ACACA: variants seen among roughly 807,000 people sequenced by gnomAD.
ACACA encodes acetyl-CoA carboxylase alpha, also known as acetyl-CoA carboxylase 1.
In ACACA, 103 loss-of-function variants were observed where a neutral mutation model predicts 296.1. The observed-to-expected ratio is 0.35, with a 90% CI of 0.30 to 0.41. ACACA has a LOEUF of 0.41. ACACA is among the 10% of genes least tolerant of loss of function. The pLI, the probability that ACACA is intolerant of heterozygous loss-of-function variation, is 1.00. For synonymous variants in ACACA, 953 were observed against 1,038.6 expected (o/e 0.92, Z 1.58); for missense variants, 1,554 against 2,989.7 (o/e 0.52, Z 11.20).
chr17:37,359,407 G>GGCGGGCGGGCC (rs72140314), intron 1 of ACACA, among the ~76,000 whole-genome samples: 2,083 of 151,620 alleles, frequency 0.014, 22 homozygotes, highest in South Asian at 0.028. Context: ...GCGGCTAGAG[G>GGCGGGCGGGCC]GCGGGCGGGC....
chr17:37,353,369 G>A (rs542136505), intron 1 of ACACA, among the ~76,000 whole-genome samples: 1 of 152,146 alleles, frequency 6.6e-6, no homozygotes, highest in South Asian at 2.1e-4. Context: ...GGCTGGGCAC[G>A]GTGGCTCACA....
Position 37,140,357 on chromosome 17 carries a change from T to G in ACACA, c.5679+9507A>C, listed in dbSNP as rs569516936. Among the ~76,000 whole-genome samples the G allele has an allele frequency of 6.0e-4, 91 of 152,318 alleles. 1 individual carries two copies. The South Asian group carries it at 0.018, about 31-fold the overall frequency. On this transcript the variant is annotated intron_variant, in intron 45 of 55. Coordinates refer to ENST00000616317, the MANE Select transcript of ACACA (RefSeq NM_198834.3). The stretch of plus-strand genomic sequence containing the variant: ...CTCACGAGTATGTAATAATTTTATA[T>G]ATCACTAATATGTAATTTTATATAT...
intron 1 of ACACA, chr17:37,365,595 A>G: frequency 1.0e-6 from 1 of 985,406 alleles, no homozygotes; most frequent in Non-Finnish European, 1.2e-6. Context: ...TCCAGTTGTG[A>G]TATAAAAGAA....
chr17:37,122,730 C>G, intron 48 of ACACA, 103 bp from the exon 49 acceptor site: 9 of 934,200 alleles, frequency 9.6e-6, no homozygotes, highest in Non-Finnish European at 1.6e-5. Context: ...AAACTAGAAA[C>G]AAACACAGAG....
At chr17:37,388,840 C>A in intron 1 of ACACA, 1 of 1,604,064 alleles carries the variant, frequency 6.2e-7, no homozygotes, top group Non-Finnish European at 8.5e-7. Context: ...CCCATAAAGA[C>A]TTTCTTCTGT....
At chr17:37,274,146 A>G (rs1335848701) in intron 9 of ACACA, 47 bp downstream of exon 9, 1 of 1,504,508 alleles carries the variant, frequency 6.6e-7, no homozygotes, top group Non-Finnish European at 9.3e-7. Context: ...ATTTGTGACT[A>G]TAACTGGTCA....
rs1326106195 is a variant in ACACA at position 37,240,528 on chromosome 17, C to T, written c.3069G>A (p.Val1023=). ...RSGIRGHMKA[V]VMDLLRQYLR... ...GGTACTGCCGGAGCAGATCCATCAC[C>T]ACAGCCTTCATGTGGCCTCGGATGC... Residue 1023 remains valine, a synonymous_variant, in exon 24 of 56, where the codon GTG becomes GTA. Transcript: ENST00000616317. 6.2e-7 allele frequency: 1 copy of T among 1,613,604 alleles called. No individual in the cohort carries two copies. Among genetic ancestry groups the T allele is most frequent in the Non-Finnish European group, 8.5e-7 (1 of 1,180,008 alleles).
chr17:37,349,072 A>T (rs1014862767), intron 1 of ACACA, among the ~76,000 whole-genome samples: 8 of 150,572 alleles, frequency 5.3e-5, no homozygotes, highest in South Asian at 2.1e-4. Flanking sequence ...TATTATTATT[A>T]TTTTTTGAGA....
At chr17:37,090,617 G>A (rs2072552582) in intron 54 of ACACA, among the ~76,000 whole-genome samples, 1 of 152,122 alleles carries the variant, frequency 6.6e-6, no homozygotes, top group South Asian at 2.1e-4. Context: ...TTGAGAAAGT[G>A]TTTTGCGCCT....
intron 33 of ACACA, 76 bp from the exon 34 acceptor site, chr17:37,200,559 G>T: frequency 7.3e-7 from 1 of 1,373,956 alleles, no homozygotes; most frequent in Non-Finnish European, 1.0e-6. Context: ...TTCGGCCCTT[G>T]TAAGGCTTTG....
chr17:37,136,322 A>T (rs1371632284), intron 45 of ACACA, among the ~76,000 whole-genome samples: 2 of 152,152 alleles, frequency 1.3e-5, no homozygotes, highest in African/African-American at 4.8e-5. Context: ...TAGCCTTTTG[A>T]ATCTAGCTTC....
intron 1 of ACACA, among the ~76,000 whole-genome samples, chr17:37,357,629 T>C (rs2049203777): frequency 6.6e-6 from 1 of 152,194 alleles, no homozygotes; most frequent in Admixed American, 6.5e-5. Flanking sequence ...TTCACATCAG[T>C]CCTCCTGTTA....
intron 45 of ACACA, among the ~76,000 whole-genome samples, chr17:37,137,211 T>C (rs2075370576): frequency 6.6e-6 from 1 of 151,494 alleles, no homozygotes; most frequent in Admixed American, 6.6e-5. Flanking sequence ...TGGAAAACTT[T>C]TAAAAAAATC....
chr17:37,123,758 G>C (rs2074636719), intron 48 of ACACA, among the ~76,000 whole-genome samples: 1 of 152,072 alleles, frequency 6.6e-6, no homozygotes, highest in Non-Finnish European at 1.5e-5. Flanking sequence ...TACACAGGAG[G>C]GTTTAGAAAT....
rs752951012 is a variant in ACACA at position 37,111,456 on chromosome 17, C to T, written c.6565+75G>A. ...TGATCAAATGCTTCAGTGCCTCCTCCCCTGGCCTATGAATGCACTCATTAC... is the reference window on the plus strand; with the variant it reads ...TGATCAAATGCTTCAGTGCCTCCTCTCCTGGCCTATGAATGCACTCATTAC... On this transcript the variant is annotated intron_variant, in intron 52 of 55. Transcript: ENST00000616317. The T allele has an allele frequency of 6.6e-6, 7 of 1,060,244 alleles. No individual in the cohort carries two copies. In the African/African-American group the frequency reaches 9.3e-5, roughly 14 times the overall value. The allele number at this position is 1,060,244 out of a possible 1,614,324, so 65.7% of individuals were successfully genotyped here.
intron 29 of ACACA, among the ~76,000 whole-genome samples, chr17:37,217,999 T>C (rs1014756745): frequency 4.6e-5 from 7 of 152,030 alleles, no homozygotes; most frequent in Admixed American, 6.6e-5. Flanking sequence ...TTCATATACC[T>C]TTTCTTTATT....
intron 1 of ACACA, chr17:37,377,849 T>G (rs2050075399): frequency 1.6e-4 from 236 of 1,433,280 alleles, no homozygotes; most frequent in Non-Finnish European, 1.9e-4. Flanking sequence ...CCTTCCCCGG[T>G]TCCCCTCCTC....
At position 37,104,944 on chromosome 17, in the gene ACACA, G is replaced by GAAA. The variant is rs66518229; in HGVS notation, c.6565+6584_6565+6586dup. ...ACAGAGTGAGAATCTGTCTCTGACC[G>GAAA]AAAAAAAAAAAAAAAAAAAAAAGCT... On this transcript the variant is annotated intron_variant, in intron 52 of 55. Transcript: ENST00000616317. Among the ~76,000 whole-genome samples, 450 of 56,328 alleles carry GAAA rather than the reference G, an allele frequency of 8.0e-3. 7 individuals are homozygous for GAAA. Among genetic ancestry groups the GAAA allele is most frequent in the Middle Eastern group, 0.018 (1 of 56 alleles). 37.0% of individuals were successfully genotyped at this position (56,328 alleles called of 152,430 possible).
intron 29 of ACACA, 95 bp from the exon 30 acceptor site, chr17:37,210,585 C>CCAAACTGGAGCTCCT: frequency 8.4e-7 from 1 of 1,185,064 alleles, no homozygotes; most frequent in Non-Finnish European, 1.3e-6. Context: ...ATGAGGAGCT[C>CCAAACTGGAGCTCCT]CAGTTTGGCA....
Sources: gnomAD v4.1 joint callset for allele counts (sites outside exome capture counted in the v4.1 genomes callset) on GRCh38, gnomAD v4.1.1 for gene constraint, MANE v1.5 for transcripts, NCBI Gene and HGNC (gene_info 2026-07-23, HGNC 2026-07-21) for gene names.